NKAIN3: variants seen among roughly 807,000 people sequenced by gnomAD.
NKAIN3 encodes sodium/potassium-transporting ATPase subunit beta-1-interacting protein 3.
Under a neutral mutation model 30.2 loss-of-function variants are expected in NKAIN3, and 25 were observed. The ratio of observed to expected loss-of-function variants is 0.83; its 90% CI spans 0.60 to 1.16. The LOEUF is 1.16. Among genes scored for constraint, NKAIN3 ranks in the 50% most tolerant of loss-of-function variants. The pLI, the probability that NKAIN3 is intolerant of heterozygous loss-of-function variation, is 0.00. For missense variants in NKAIN3, 225 were observed against 254.1 expected, an observed-to-expected ratio of 0.89 and a Z score of 0.78; for synonymous variants, 91 against 89.6, an observed-to-expected ratio of 1.02 and a Z score of -0.09.
chr8:62,408,038 A>G (rs1200952340), intron 1 of NKAIN3, among the ~76,000 whole-genome samples: 1 of 152,150 alleles, frequency 6.6e-6, no homozygotes, highest in African/African-American at 2.4e-5. Flanking sequence ...CTAAATACAT[A>G]TATGTTACAG....
At chr8:62,928,662 T>C (rs1270217099) in intron 5 of NKAIN3, among the ~76,000 whole-genome samples, 1 of 152,140 alleles carries the variant, frequency 6.6e-6, no homozygotes, top group Non-Finnish European at 1.5e-5. Context: ...CCAAATTACT[T>C]CCACGTGTGA....
intron 1 of NKAIN3, among the ~76,000 whole-genome samples, chr8:62,502,833 A>C (rs1026726180): frequency 5.3e-5 from 8 of 152,218 alleles, no homozygotes; most frequent in African/African-American, 1.9e-4. Context: ...AGGAAGTAAC[A>C]CAAGAGCATG....
intron 4 of NKAIN3, among the ~76,000 whole-genome samples, chr8:62,814,830 G>C (rs561532452): frequency 6.6e-6 from 1 of 151,958 alleles, no homozygotes; most frequent in African/African-American, 2.4e-5. Context: ...AACTAGAAAA[G>C]CAAGAGCAAA....
chr8:62,965,339 TA>T lies in NKAIN3; in HGVS notation c.604-14del. Reference sequence around the variant, plus strand: ...CTTTGAAGTTCTTGAAAGCAATTCGTATTTTCTGTTTTAGGTCGAAATAAGT... The same window carrying T: ...CTTTGAAGTTCTTGAAAGCAATTCGTTTTTCTGTTTTAGGTCGAAATAAGT... On this transcript the variant is annotated splice_polypyrimidine_tract_variant and intron_variant, in intron 6 of 6. Transcript: ENST00000623646. The T allele has an allele frequency of 1.0e-6, 1 of 985,832 alleles. No individual in the cohort carries two copies. 61.1% of individuals were successfully genotyped at this position (985,832 alleles called of 1,614,324 possible).
At chr8:62,441,429 A>G in intron 1 of NKAIN3, among the ~76,000 whole-genome samples, 1 of 151,970 alleles carries the variant, frequency 6.6e-6, no homozygotes, top group East Asian at 1.9e-4. Flanking sequence ...TGTAAGTGGA[A>G]TTACTAAAGC....
At chr8:62,754,298 T>C (rs1816379372) in intron 4 of NKAIN3, among the ~76,000 whole-genome samples, 1 of 152,048 alleles carries the variant, frequency 6.6e-6, no homozygotes, top group Non-Finnish European at 1.5e-5. Context: ...TTTAAGTCCC[T>C]TTTTAATTTT....
At chr8:62,281,041 T>C (rs968779195) in intron 1 of NKAIN3, among the ~76,000 whole-genome samples, 1 of 152,186 alleles carries the variant, frequency 6.6e-6, no homozygotes, top group Non-Finnish European at 1.5e-5. Context: ...AATTGTTGCC[T>C]CAATTTGAGA....
At chr8:62,427,129 A>C (rs905465392) in intron 1 of NKAIN3, among the ~76,000 whole-genome samples, 1 of 152,090 alleles carries the variant, frequency 6.6e-6, no homozygotes, top group African/African-American at 2.4e-5. Flanking sequence ...AGCTACAAAT[A>C]CAGGCTTTTG....
In NKAIN3 at chr8:62,747,887, T is replaced by C. The variant is rs1361880475; in HGVS notation, c.471+758T>C. On this transcript the variant is annotated intron_variant, in intron 4 of 6. Coordinates refer to ENST00000623646, the MANE Select transcript of NKAIN3 (RefSeq NM_001304533.3). The stretch of plus-strand genomic sequence containing the variant: ...ACATAAACCAACCATCTCAGTTCTG[T>C]TCAACTGAGCTTAGCTTAGTAGGAA... 2.0e-5 allele frequency among the ~76,000 whole-genome samples: 3 copies of C among 152,186 alleles called. No homozygotes were observed. In the East Asian group the frequency reaches 5.8e-4, roughly 29 times the overall value.
At chr8:62,434,513 G>T (rs1431333425) in intron 1 of NKAIN3, among the ~76,000 whole-genome samples, 1 of 151,578 alleles carries the variant, frequency 6.6e-6, no homozygotes, top group African/African-American at 2.4e-5. Flanking sequence ...AGATAAATCA[G>T]GGTGTAAGGA....
At position 62,401,016 on chromosome 8, in the gene NKAIN3, TCTCA is replaced by T. The variant is rs1417523291; in HGVS notation, c.54+151893_54+151896del. 2.9e-4 allele frequency among the ~76,000 whole-genome samples: 44 copies of T among 151,426 alleles called. No individual in the cohort carries two copies. In the East Asian group the frequency reaches 6.1e-3, roughly 21 times the overall value. On this transcript the variant is annotated intron_variant, in intron 1 of 6. Coordinates refer to ENST00000623646, the MANE Select transcript of NKAIN3 (RefSeq NM_001304533.3). ...CTTTTGATTAAACTTTCTACCTTTC[TCTCA>T]CTCTCTCTCTCTCTCTCTACATCCT... is the stretch of plus-strand genomic sequence containing the variant.
intron 5 of NKAIN3, among the ~76,000 whole-genome samples, chr8:62,940,897 A>G (rs566774711): frequency 1.3e-5 from 2 of 152,180 alleles, no homozygotes; most frequent in East Asian, 3.9e-4. Context: ...AACCCTGCAG[A>G]AGAAATAACA....
At chr8:62,535,772 A>G (rs1312822642) in intron 1 of NKAIN3, among the ~76,000 whole-genome samples, 1 of 152,172 alleles carries the variant, frequency 6.6e-6, no homozygotes, top group African/African-American at 2.4e-5. Flanking sequence ...TTGGGTTTTT[A>G]TGGAAGCCTC....
chr8:62,928,832 A>G (rs1452834481), intron 5 of NKAIN3, among the ~76,000 whole-genome samples: 1 of 152,214 alleles, frequency 6.6e-6, no homozygotes, highest in Non-Finnish European at 1.5e-5. Flanking sequence ...AGCAGGTGAT[A>G]AGTGCCTTTG....
In NKAIN3 at chr8:62,521,817, A is replaced by G. The variant is rs377764037; in HGVS notation, c.55-57722A>G. 1.2e-4 allele frequency among the ~76,000 whole-genome samples: 18 copies of G among 152,298 alleles called. No individual in the cohort carries two copies. The South Asian group carries it at 2.5e-3, about 21-fold the overall frequency. On this transcript the variant is annotated intron_variant, in intron 1 of 6. Coordinates refer to ENST00000623646, the MANE Select transcript of NKAIN3 (RefSeq NM_001304533.3). ...CAAACATCTCTGGCTAATGTCATCA[A>G]ATATCTTTTTTCCTGGATAAGATTT...
At chr8:62,685,757 C>T (rs908486967) in intron 3 of NKAIN3, among the ~76,000 whole-genome samples, 1 of 152,120 alleles carries the variant, frequency 6.6e-6, no homozygotes, top group Admixed American at 6.5e-5. Flanking sequence ...GTTTCTCTAG[C>T]AAGTATGGTG....
intron 3 of NKAIN3, among the ~76,000 whole-genome samples, chr8:62,600,443 T>G (rs1810955292): frequency 6.6e-6 from 1 of 152,036 alleles, no homozygotes; most frequent in Non-Finnish European, 1.5e-5. Flanking sequence ...TTTTCCATTT[T>G]AACCCTACCT....
chr8:62,503,772 C>T (rs975981576), intron 1 of NKAIN3, among the ~76,000 whole-genome samples: 11 of 152,232 alleles, frequency 7.2e-5, no homozygotes, highest in African/African-American at 2.2e-4. Context: ...AGCCCAACCC[C>T]GCAGGCAGTC....
intron 1 of NKAIN3, among the ~76,000 whole-genome samples, chr8:62,472,357 G>A (rs796250358): frequency 7.9e-5 from 12 of 152,288 alleles, no homozygotes; most frequent in African/African-American, 2.9e-4. Context: ...GGGGGAGTCA[G>A]CAAGCCAGGG....
Sources: gnomAD v4.1 joint callset for allele counts (sites outside exome capture counted in the v4.1 genomes callset) on GRCh38, gnomAD v4.1.1 for gene constraint, MANE v1.5 for transcripts, NCBI Gene and HGNC (gene_info 2026-07-23, HGNC 2026-07-21) for gene names.